Variants in CRTAC1 observed in about 807,000 individuals in gnomAD.
CRTAC1 encodes cartilage acidic protein 1.
Under a neutral mutation model 67.8 loss-of-function variants are expected in CRTAC1, and 37 were observed. The ratio of observed to expected loss-of-function variants is 0.55; its 90% confidence interval spans 0.42 to 0.72. CRTAC1 has a LOEUF of 0.72. Ranked by LOEUF, CRTAC1 falls within the 30% of genes least tolerant of loss-of-function variation. The pLI is 0.00. For missense variants in CRTAC1, 780 were observed against 931.6 expected (o/e 0.84, Z 2.12); for synonymous variants, 348 against 371.0 (o/e 0.94, Z 0.71).
At chr10:97,943,546 T>G (rs562830839) in intron 2 of CRTAC1, among the ~76,000 whole-genome samples, 11 of 152,346 alleles carry the variant, frequency 7.2e-5, no homozygotes. Flanking sequence ...ACAGGAGTAT[T>G]TTATTGTTGG....
At chr10:97,990,663 A>G (rs927088568) in intron 2 of CRTAC1, among the ~76,000 whole-genome samples, 1 of 152,238 alleles carries the variant, frequency 6.6e-6, no homozygotes, top group Non-Finnish European at 1.5e-5. Context: ...CATCAGGCAC[A>G]TTGACTCTCT....
chr10:97,943,073 A>C (rs77505425), intron 2 of CRTAC1, among the ~76,000 whole-genome samples: 1 of 142,004 alleles, frequency 7.0e-6, no homozygotes, highest in African/African-American at 2.8e-5. Flanking sequence ...CCCTGTCTTC[A>C]AAAAAAAAAA....
At chr10:98,006,136 G>T (rs915825766) in intron 2 of CRTAC1, among the ~76,000 whole-genome samples, 1 of 152,206 alleles carries the variant, frequency 6.6e-6, no homozygotes, top group African/African-American at 2.4e-5. Context: ...GATATCCCAG[G>T]AAACCAAAGC....
intron 14 of CRTAC1, chr10:97,867,839 A>G (rs765361515): frequency 1.3e-5 from 2 of 152,092 alleles, no homozygotes; most frequent in Non-Finnish European, 2.9e-5. Flanking sequence ...CCTGAACTGG[A>G]CCTGACATGG....
At chr10:97,916,788 CA>C (rs1389794794) in intron 5 of CRTAC1, among the ~76,000 whole-genome samples, 5 of 152,146 alleles carry the variant, frequency 3.3e-5, no homozygotes, top group African/African-American at 9.7e-5. Flanking sequence ...TTTTGGCACC[CA>C]AAACAGGAAC....
intron 1 of CRTAC1, among the ~76,000 whole-genome samples, chr10:98,020,970 T>C (rs1843105826): frequency 6.6e-6 from 1 of 152,220 alleles, no homozygotes. Context: ...AGGCAAATAC[T>C]GTGGCCCAAG....
At chr10:97,897,588 T>C (rs1590191812) in intron 8 of CRTAC1, among the ~76,000 whole-genome samples, 1 of 152,224 alleles carries the variant, frequency 6.6e-6, no homozygotes, top group African/African-American at 2.4e-5. Context: ...TCCAAGCACA[T>C]GTCTGCAGGA....
intron 1 of CRTAC1, among the ~76,000 whole-genome samples, chr10:98,018,142 G>T (rs561231879): frequency 5.1e-5 from 7 of 138,016 alleles, no homozygotes; most frequent in African/African-American, 1.9e-4. Context: ...GGAGGTTGCA[G>T]CAGTGAGCCA....
At chr10:97,907,972 T>C (rs752890134) in intron 6 of CRTAC1, 41 bp downstream of exon 6, 1 of 1,609,248 alleles carries the variant, frequency 6.2e-7, no homozygotes, top group East Asian at 2.2e-5. Context: ...GGGTCTGGGG[T>C]GAGGGGTCAG....
chr10:97,879,856 G>C (rs1281013561), intron 14 of CRTAC1: 1 of 1,185,926 alleles, frequency 8.4e-7, no homozygotes, highest in Non-Finnish European at 1.2e-6. Flanking sequence ...AAAGGGGGTG[G>C]GGACGGGGTG....
chr10:97,963,130 C>A (rs1027213600), intron 2 of CRTAC1, among the ~76,000 whole-genome samples: 1 of 152,026 alleles, frequency 6.6e-6, no homozygotes, highest in Non-Finnish European at 1.5e-5. Flanking sequence ...AGCAGCCTGG[C>A]CCCAGTGTCC....
intron 2 of CRTAC1, among the ~76,000 whole-genome samples, chr10:98,009,009 G>T (rs774408691): frequency 6.6e-6 from 1 of 152,100 alleles, no homozygotes; most frequent in Admixed American, 6.5e-5. Context: ...AGTGAGGAGG[G>T]TGTCTCCCTG....
At chr10:98,026,235 G>A (rs2136710670) in intron 1 of CRTAC1, among the ~76,000 whole-genome samples, 1 of 152,316 alleles carries the variant, frequency 6.6e-6, no homozygotes, top group African/African-American at 2.4e-5. Context: ...GGCTTGCAGA[G>A]GTTAAGTGGT....
chr10:97,913,114 CAG>C lies in CRTAC1; in HGVS notation c.715+4384_715+4385del, dbSNP rs71488844. ...TGGAAACGTGGTGCAGGAATGGGCA[CAG>C]AGAGAGAGAGAGAGAGAGAGTGTGT... On this transcript the variant is annotated intron_variant, in intron 5 of 14. Coordinates refer to ENST00000370597, the MANE Select transcript of CRTAC1 (RefSeq NM_018058.7). Among the ~76,000 whole-genome samples the C allele has an allele frequency of 7.1e-3, 1,051 of 148,608 alleles. 6 individuals are homozygous for C. Among genetic ancestry groups the C allele is most frequent in the Non-Finnish European group, 9.8e-3 (657 of 67,008 alleles).
intron 2 of CRTAC1, among the ~76,000 whole-genome samples, chr10:97,997,451 C>CAAAA (rs746635057): frequency 4.1e-5 from 2 of 48,230 alleles, no homozygotes; most frequent in Admixed American, 2.4e-4. Context: ...GACTCTGTCT[C>CAAAA]AAAAAAAAAA....
chr10:98,010,187 G>A (rs903639994), intron 2 of CRTAC1, among the ~76,000 whole-genome samples: 4 of 151,910 alleles, frequency 2.6e-5, no homozygotes, highest in East Asian at 1.9e-4. Flanking sequence ...TTACATGCGC[G>A]CGCCACCATG....
chr10:97,879,324 C>T (rs950493348), intron 14 of CRTAC1, among the ~76,000 whole-genome samples: 6 of 152,140 alleles, frequency 3.9e-5, no homozygotes, highest in South Asian at 2.1e-4. Context: ...TCGGATCAAC[C>T]GGCAAGCAAC....
At chr10:97,866,647 T>G (rs1391949159) in intron 14 of CRTAC1, 2 of 152,254 alleles carry the variant, frequency 1.3e-5, no homozygotes, top group African/African-American at 4.8e-5. Context: ...TGCACAAGTG[T>G]ATGAATGTGG....
At chr10:97,896,079 C>A in intron 9 of CRTAC1, 94 bp from the exon 10 acceptor site, 1 of 1,116,186 alleles carries the variant, frequency 9.0e-7, no homozygotes, top group South Asian at 1.3e-5. Flanking sequence ...CAGCCCTGGG[C>A]GTGGGAGCCA....
Sources: allele counts gnomAD v4.1 joint callset (sites outside exome capture counted in the v4.1 genomes callset), GRCh38; gene constraint gnomAD v4.1.1; transcripts MANE v1.5; gene names NCBI Gene and HGNC (gene_info 2026-07-23, HGNC 2026-07-21).